The following FGD6 variants were observed in gnomAD, a reference collection of about 807,000 sequenced individuals.
FGD6 encodes FYVE, RhoGEF and PH domain-containing protein 6.
FGD6 carries 90 observed loss-of-function variants against 149.4 expected under a neutral mutation model. The ratio of observed to expected loss-of-function variants is 0.60; its 90% CI spans 0.51 to 0.72. The LOEUF (loss-of-function observed/expected upper bound fraction) is 0.72. Among genes scored for constraint, FGD6 ranks in the 30% least tolerant of loss-of-function variants. FGD6 has a pLI of 0.00. For missense variants in FGD6, 1,437 were observed against 1,684.8 expected, an observed-to-expected ratio of 0.85 and a Z score of 2.57; for synonymous variants, 527 against 584.0, an observed-to-expected ratio of 0.90 and a Z score of 1.41.
chr12:95,211,690 C>A (rs565073400), intron 1 of FGD6, among the ~76,000 whole-genome samples: 27 of 152,132 alleles, frequency 1.8e-4, no homozygotes, highest in Admixed American at 8.5e-4. Flanking sequence ...CAAGTGCGCA[C>A]CACCACATCC....
chr12:95,152,963 G>A lies in FGD6; in HGVS notation c.2617C>T (p.His873Tyr), dbSNP rs200992986. Residue 873 changes from histidine (H) to tyrosine (Y), a missense_variant, in exon 4 of 21, where the codon CAT (histidine) becomes TAT (tyrosine). Around this residue, in one of 2 missense-constraint regions of FGD6, gnomAD observed 1,055 missense variants for 1,146.0 expected, o/e 0.92. Transcript: ENST00000343958. The part of the protein sequence containing the change: ...DEDNGMKSKV[H>Y]HIAKEIMSSE... ...CTCATGATCTCCTTGGCAATATGAT[G>A]AACTTTACTTTTCATTCCATTATCT... 258 of 1,613,956 alleles carry A rather than the reference G, an allele frequency of 1.6e-4. 1 individual carries two copies. Among genetic ancestry groups the A allele is most frequent in the Admixed American group, 8.8e-4 (53 of 60,014 alleles).
chr12:95,096,472 T>C (rs12310399), intron 14 of FGD6, among the ~76,000 whole-genome samples: 58,473 of 152,006 alleles, frequency 0.38, 11,608 homozygotes, highest in African/African-American at 0.47. Flanking sequence ...AAAGAAATAA[T>C]CTCTTTCTCT....
In FGD6 at chr12:95,084,643, C is replaced by T. The variant is rs1877800114; in HGVS notation, c.4111G>A (p.Val1371Met). ...AAAGGCTGACTCTCCAAAGCGGCCA[C>T]GTCCTAATTTAAAAACATACAAATG... ...VLYTYAASED[V>M]AALESQPLLG... The change falls in exon 20 of 21, where the codon GTG becomes ATG. Residue 1371 changes from valine (V) to methionine (M), a missense_variant. Val to Met is a conservative substitution (Grantham distance 21). Around this residue, in one of 2 missense-constraint regions of FGD6, gnomAD observed 382 missense variants for 538.7 expected, o/e 0.71. Transcript: ENST00000343958. 3.2e-6 allele frequency: 5 copies of T among 1,570,198 alleles called. No individual in the cohort carries two copies. Among genetic ancestry groups the T allele is most frequent in the East Asian group, 4.6e-5 (2 of 43,828 alleles).
At chr12:95,151,298 T>A (rs1262261389) in intron 5 of FGD6, among the ~76,000 whole-genome samples, 1 of 151,960 alleles carries the variant, frequency 6.6e-6, no homozygotes, top group Non-Finnish European at 1.5e-5. Flanking sequence ...TGAGACAGAG[T>A]CTTGATCTGT....
At chr12:95,191,979 C>T (rs185377107) in intron 2 of FGD6, among the ~76,000 whole-genome samples, 220 of 152,250 alleles carry the variant, frequency 1.4e-3, no homozygotes, top group African/African-American at 5.1e-3. Context: ...CTCAGGTGAT[C>T]CACCTCCCAA....
intron 2 of FGD6, among the ~76,000 whole-genome samples, chr12:95,202,631 C>G (rs1009106951): frequency 6.6e-6 from 1 of 151,900 alleles, no homozygotes; most frequent in Non-Finnish European, 1.5e-5. Flanking sequence ...TGGGCTCGAG[C>G]AATCCTCCTG....
chr12:95,114,998 C>A (rs1268499465), intron 8 of FGD6, among the ~76,000 whole-genome samples: 2 of 152,202 alleles, frequency 1.3e-5, no homozygotes, highest in East Asian at 3.8e-4. Context: ...ACAAATTCTA[C>A]TCACACTCTT....
At chr12:95,148,835 T>G (rs28628321) in intron 5 of FGD6, among the ~76,000 whole-genome samples, 1,129 of 73,714 alleles carry the variant, frequency 0.015, 334 homozygotes, top group Middle Eastern at 0.036. Flanking sequence ...TATTATATAA[T>G]ATATAGCATA....
chr12:95,154,560 A>C (rs1456159660), intron 3 of FGD6, among the ~76,000 whole-genome samples: 3 of 152,226 alleles, frequency 2.0e-5, no homozygotes, highest in Non-Finnish European at 4.4e-5. Context: ...TAAATTTTAG[A>C]TGTTACACCT....
chr12:95,201,990 ACACACACACAT>A (rs2056665304), intron 2 of FGD6, among the ~76,000 whole-genome samples: 1 of 125,450 alleles, frequency 8.0e-6, no homozygotes, highest in Non-Finnish European at 1.7e-5. Context: ...ACACACACAC[ACACACACACAT>A]CTTCTTCTTC....
At chr12:95,195,951 G>A (rs956557297) in intron 2 of FGD6, among the ~76,000 whole-genome samples, 3 of 151,686 alleles carry the variant, frequency 2.0e-5, no homozygotes, top group Non-Finnish European at 2.9e-5. Flanking sequence ...GCCAAACCCC[G>A]TTTCTACTAA....
chr12:95,112,923 T>G (rs1162681927), intron 9 of FGD6, among the ~76,000 whole-genome samples: 1 of 152,192 alleles, frequency 6.6e-6, no homozygotes, highest in Non-Finnish European at 1.5e-5. Flanking sequence ...AGTCACTTCA[T>G]GGACTCATGA....
chr12:95,121,166 G>A (rs1316670283), intron 8 of FGD6, among the ~76,000 whole-genome samples: 2 of 151,838 alleles, frequency 1.3e-5, no homozygotes, highest in Non-Finnish European at 2.9e-5. Flanking sequence ...CAGGCTGGCT[G>A]CTGTGGCTCA....
intron 9 of FGD6, among the ~76,000 whole-genome samples, chr12:95,113,349 C>A (rs1437889741): frequency 4.6e-5 from 7 of 151,472 alleles, no homozygotes; most frequent in Non-Finnish European, 7.4e-5. Context: ...TCTCCTGCCT[C>A]AGCCTCCCAA....
chr12:95,082,984 T>TTAAAAAAAAAAAAA (rs1386719189), intron 20 of FGD6, among the ~76,000 whole-genome samples: 4 of 31,112 alleles, frequency 1.3e-4, no homozygotes, highest in Non-Finnish European at 2.1e-4. Context: ...CTGTCTCCAT[T>TTAAAAAAAAAAAAA]AAAAAAAAAA....
At chr12:95,121,480 T>C (rs1202265582) in intron 8 of FGD6, among the ~76,000 whole-genome samples, 3 of 49,600 alleles carry the variant, frequency 6.0e-5, no homozygotes, top group East Asian at 6.2e-4. Flanking sequence ...TATATATATA[T>C]GTATATATAT....
In FGD6 at chr12:95,091,764, G is replaced by T; in HGVS notation, c.3793C>A (p.Leu1265Met). 1 of 1,613,378 alleles carries T rather than the reference G, an allele frequency of 6.2e-7. No homozygotes were observed. Among genetic ancestry groups the T allele is most frequent in the Non-Finnish European group, 8.5e-7 (1 of 1,179,834 alleles). The change falls in exon 17 of 21, where the codon CTG becomes ATG. Residue 1265 changes from leucine (L) to methionine (M), a missense_variant. Physicochemically the swap from Leu to Met is conservative, Grantham distance 15. Transcript: ENST00000343958. ...CSSNKYGLDY[L>M]KNQPARVCEH... ...CATACTCTTGCTGGTTGATTTTTCA[G>T]GTAATCTAAGCCATACTTATTAGAC...
intron 8 of FGD6, among the ~76,000 whole-genome samples, chr12:95,131,637 AG>A (rs1322276056): frequency 6.6e-6 from 1 of 152,194 alleles, no homozygotes; most frequent in Non-Finnish European, 1.5e-5. Context: ...AAGCAATGGA[AG>A]AAAAGGCATA....
intron 7 of FGD6, among the ~76,000 whole-genome samples, chr12:95,136,601 T>A (rs948814122): frequency 6.6e-6 from 1 of 152,220 alleles, no homozygotes; most frequent in Admixed American, 6.5e-5. Flanking sequence ...CTGAACAGGT[T>A]ATTACTTTTT....
Sources: allele counts gnomAD v4.1 joint callset (sites outside exome capture counted in the v4.1 genomes callset), GRCh38; gene constraint gnomAD v4.1.1; regional missense constraint gnomAD v4.1.1; transcripts MANE v1.5; gene names NCBI Gene and HGNC (gene_info 2026-07-23, HGNC 2026-07-21).